Variants in IL12B observed in about 807,000 individuals in gnomAD.
IL12B encodes interleukin-12 subunit beta.
Under a neutral mutation model 39.2 loss-of-function variants are expected in IL12B, and 27 were observed. The observed-to-expected ratio is 0.69, with a 90% confidence interval of 0.51 to 0.95. The LOEUF (loss-of-function observed/expected upper bound fraction) is 0.95, where lower values mean the gene tolerates loss of function less well. IL12B is among the 40% of genes least tolerant of loss of function. The pLI, the probability that IL12B is intolerant of heterozygous loss-of-function variation, is 0.00. For synonymous variants in IL12B, 142 were observed against 152.1 expected (o/e 0.93, Z 0.49); for missense variants, 351 against 397.6 (o/e 0.88, Z 1.00).
chr5:159,323,041 G>C lies in IL12B; in HGVS notation c.364+13C>G, dbSNP rs1378450897. 1.9e-6 allele frequency: 3 copies of C among 1,611,970 alleles called. No homozygotes were observed. Among genetic ancestry groups the C allele is most frequent in the African/African-American group, 2.7e-5 (2 of 74,830 alleles). ...AAAGAGAAAATTGATACTATCCAAG[G>C]GTATAGAATTACCTTTCTGGTCCTT... On this transcript the variant is annotated intron_variant, in intron 3 of 7. Coordinates refer to ENST00000231228, the MANE Select transcript of IL12B (RefSeq NM_002187.3).
At chr5:159,317,598 G>A (rs367862303) in intron 6 of IL12B, among the ~76,000 whole-genome samples, 15 of 152,290 alleles carry the variant, frequency 9.8e-5, no homozygotes, top group Admixed American at 2.0e-4. Context: ...AGTCTGGGGC[G>A]GTACAAAAGG....
chr5:159,320,438 A>T lies in IL12B; in HGVS notation c.565T>A (p.Tyr189Asn). ...CTGTCCTCCTGGCACTCCACTGAGT[A>T]CTCATACTCCTTGTTGTCCCCTCTG... The part of the protein sequence containing the change: ...RVRGDNKEYE[Y>N]SVECQEDSAC... The change falls in exon 5 of 8, where the codon TAC (tyrosine) becomes AAC (asparagine). Residue 189 changes from tyrosine to asparagine, a missense_variant. Coordinates refer to ENST00000231228, the MANE Select transcript of IL12B (RefSeq NM_002187.3). 6.2e-7 allele frequency: 1 copy of T among 1,614,042 alleles called. No individual in the cohort carries two copies. Among genetic ancestry groups the T allele is most frequent in the Non-Finnish European group, 8.5e-7 (1 of 1,179,940 alleles).
rs1206324385 is a variant in IL12B at position 159,316,789 on chromosome 5, A to G, written c.883T>C (p.Ser295Pro). ...TTTTTGCGGCAGATGACCGTGGCTGAGGTCTTGTCCGTGAAGACTCTATCT... is the reference window on the plus strand; with the variant it reads ...TTTTTGCGGCAGATGACCGTGGCTGGGGTCTTGTCCGTGAAGACTCTATCT... ...KKDRVFTDKT[S>P]ATVICRKNAS... is the part of the protein sequence containing the mutation. Residue 295 changes from serine (S) to proline (P), a missense_variant, in exon 7 of 8, where the codon TCA becomes CCA. Physicochemically the swap from Ser to Pro is moderately conservative, Grantham distance 74. Coordinates refer to ENST00000231228, the MANE Select transcript of IL12B (RefSeq NM_002187.3). The G allele has an allele frequency of 6.2e-7, 1 of 1,614,110 alleles. No individual in the cohort carries two copies. Among genetic ancestry groups the G allele is most frequent in the South Asian group, 1.1e-5 (1 of 91,086 alleles).
intron 3 of IL12B, 97 bp from the exon 4 acceptor site, chr5:159,322,608 A>G: frequency 1.2e-6 from 1 of 830,294 alleles, no homozygotes; most frequent in South Asian, 1.4e-5. Context: ...TACAGGGTGA[A>G]GTTCTTCCAT....
At chr5:159,320,166 C>T in intron 5 of IL12B, 140 bp downstream of exon 5, 1 of 748,804 alleles carries the variant, frequency 1.3e-6, no homozygotes, top group Admixed American at 2.0e-5. Context: ...ATAACAGTAT[C>T]TACATCGTAT....
intron 6 of IL12B, among the ~76,000 whole-genome samples, chr5:159,317,121 T>G (rs1307779917): frequency 6.6e-6 from 1 of 152,152 alleles, no homozygotes; most frequent in African/African-American, 2.4e-5. Context: ...GAGCTGATGG[T>G]GAGAGAGAGA....
chr5:159,322,007 G>A (rs1437845502), intron 4 of IL12B, among the ~76,000 whole-genome samples: 1 of 152,014 alleles, frequency 6.6e-6, no homozygotes, highest in Non-Finnish European at 1.5e-5. Flanking sequence ...TAAGATCTAC[G>A]CCCTGGAGCT....
chr5:159,320,471 C>T lies in IL12B; in HGVS notation c.532G>A (p.Glu178Lys). Residue 178 changes from glutamate to lysine, a missense_variant, in exon 5 of 8, where the codon GAG (glutamate) becomes AAG (lysine). Coordinates refer to ENST00000231228, the MANE Select transcript of IL12B (RefSeq NM_002187.3). ...TCCTTGTTGTCCCCTCTGACTCTCT[C>T]TGCAGAGAGTGTAGCAGCTCCGCAC... ...VTCGAATLSA[E>K]RVRGDNKEYE... 1 of 1,614,126 alleles carries T rather than the reference C, an allele frequency of 6.2e-7. No individual in the cohort carries two copies. Among genetic ancestry groups the T allele is most frequent in the Non-Finnish European group, 8.5e-7 (1 of 1,179,960 alleles).
intron 2 of IL12B, among the ~76,000 whole-genome samples, chr5:159,325,268 C>A (rs1754166285): frequency 6.6e-6 from 1 of 152,206 alleles, no homozygotes; most frequent in Non-Finnish European, 1.5e-5. Flanking sequence ...AGCTCGCTAA[C>A]AATCCCAGGG....
rs1754109781 is a variant in IL12B, at chr5:159,322,495, G to T, written c.381C>A (p.Thr127=). The T allele has an allele frequency of 2.5e-6, 4 of 1,612,664 alleles. No homozygotes were observed. Among genetic ancestry groups the T allele is most frequent in the Non-Finnish European group, 3.4e-6 (4 of 1,178,764 alleles). ...LKDQKEPKNK[T]FLRCEAKNYS... is the part of the protein sequence containing the mutation. ...AATTCTTGGCCTCGCATCTTAGAAA[G>T]GTCTTATTTTTGGGTTCTGGATTTG... The change falls in exon 4 of 8, where the codon ACC becomes ACA. Residue 127 remains threonine, a synonymous_variant. Coordinates refer to ENST00000231228, the MANE Select transcript of IL12B (RefSeq NM_002187.3).
chr5:159,329,353 C>T (rs1754241171), intron 1 of IL12B, among the ~76,000 whole-genome samples: 1 of 152,148 alleles, frequency 6.6e-6, no homozygotes, highest in Non-Finnish European at 1.5e-5. Flanking sequence ...GCCCCACACT[C>T]CTGATCTATA....
At chr5:159,320,652 C>A in intron 4 of IL12B, 132 bp from the exon 5 acceptor site, 1 of 770,562 alleles carries the variant, frequency 1.3e-6, no homozygotes, top group Non-Finnish European at 2.2e-6. Flanking sequence ...CTGATTTCTA[C>A]CCAGAGGGTA....
intron 6 of IL12B, among the ~76,000 whole-genome samples, chr5:159,317,763 A>G (rs1270042515): frequency 6.6e-6 from 1 of 152,234 alleles, no homozygotes; most frequent in Non-Finnish European, 1.5e-5. Flanking sequence ...TGGGGGCGAT[A>G]TCTCTTGCCT....
chr5:159,318,883 G>A lies in IL12B; in HGVS notation c.708C>T (p.Asp236=), dbSNP rs768677098. The stretch of plus-strand genomic sequence containing the variant: ...GCTTCAGCTGCAAGTTCTTGGGTGG[G>A]TCAGGTTTGACTGTGGAAGAGGATA... ...SFFIRDIIKP[D]PPKNLQLKPL... Residue 236 remains aspartate (D), a synonymous_variant, in exon 6 of 8, where the codon GAC becomes GAT. Transcript: ENST00000231228. 4 of 1,613,814 alleles carry A rather than the reference G, an allele frequency of 2.5e-6. No individual in the cohort carries two copies. Among genetic ancestry groups the A allele is most frequent in the Non-Finnish European group, 3.4e-6 (4 of 1,179,930 alleles).
Position 159,318,775 on chromosome 5 carries a change from T to C in IL12B, c.816A>G (p.Thr272=), listed in dbSNP as rs776775490. The change falls in exon 6 of 8, where the codon ACA becomes ACG. Residue 272 remains threonine (T), a synonymous_variant. Coordinates refer to ENST00000231228, the MANE Select transcript of IL12B (RefSeq NM_002187.3). ...TCTTGCCCTGGACCTGAACGCAGAA[T>C]GTCAGGGAGAAGTAGGAATGTGGAG... is the stretch of plus-strand genomic sequence containing the variant. ...WSTPHSYFSL[T]FCVQVQGKSK... The C allele has an allele frequency of 6.2e-7, 1 of 1,614,192 alleles. No homozygotes were observed. The highest frequency in any genetic ancestry group is 1.7e-5 in the Admixed American group (1 of 60,028).
chr5:159,321,354 T>C (rs972613374), intron 4 of IL12B, among the ~76,000 whole-genome samples: 11 of 130,144 alleles, frequency 8.5e-5, no homozygotes, highest in Non-Finnish European at 1.4e-4. Context: ...ATTTTATATA[T>C]ATATATATAT....
At chr5:159,321,390 T>C (rs752630910) in intron 4 of IL12B, among the ~76,000 whole-genome samples, 56 of 150,982 alleles carry the variant, frequency 3.7e-4, no homozygotes, top group Non-Finnish European at 5.8e-4. Flanking sequence ...CACACACATA[T>C]GTATACACAC....
intron 2 of IL12B, among the ~76,000 whole-genome samples, chr5:159,324,600 G>C (rs1754156980): frequency 6.6e-6 from 1 of 152,228 alleles, no homozygotes; most frequent in Non-Finnish European, 1.5e-5. Context: ...CTGCATTTTG[G>C]AGTGGCAGAG....
Position 159,316,793 on chromosome 5 carries a change from C to G in IL12B, c.879G>C (p.Lys293Asn). 6.2e-7 allele frequency: 1 copy of G among 1,614,084 alleles called. No homozygotes were observed. Among genetic ancestry groups the G allele is most frequent in the Non-Finnish European group, 8.5e-7 (1 of 1,180,032 alleles). ...TGCGGCAGATGACCGTGGCTGAGGT[C>G]TTGTCCGTGAAGACTCTATCTTTCT... ...REKKDRVFTDKTSATVICRKN... is the reference protein window; with the variant it reads ...REKKDRVFTDNTSATVICRKN... Residue 293 changes from lysine (K) to asparagine (N), a missense_variant, in exon 7 of 8, where the codon AAG becomes AAC. Lys to Asn is a moderately conservative substitution (Grantham distance 94). Coordinates refer to ENST00000231228, the MANE Select transcript of IL12B (RefSeq NM_002187.3).
Sources: allele counts gnomAD v4.1 joint callset (sites outside exome capture counted in the v4.1 genomes callset), GRCh38; gene constraint gnomAD v4.1.1; transcripts MANE v1.5; gene names NCBI Gene and HGNC (gene_info 2026-07-23, HGNC 2026-07-21).